Variants in NELL2 observed in about 807,000 individuals in gnomAD.
The protein encoded by NELL2 is neural EGFL like 2.
Under a neutral mutation model 109.6 loss-of-function variants are expected in NELL2, and 41 were observed. The ratio of observed to expected loss-of-function variants is 0.37; its 90% confidence interval spans 0.29 to 0.49. The LOEUF (loss-of-function observed/expected upper bound fraction) is 0.49. NELL2 is among the 20% of genes least tolerant of loss of function. The pLI is 0.98. For missense variants in NELL2, 900 were observed against 1,008.3 expected, an observed-to-expected ratio of 0.89 and a Z score of 1.45; for synonymous variants, 355 against 344.7, an observed-to-expected ratio of 1.03 and a Z score of -0.33.
chr12:44,609,660 T>C (rs1945537314), intron 14 of NELL2, among the ~76,000 whole-genome samples: 1 of 151,954 alleles, frequency 6.6e-6, no homozygotes, highest in Non-Finnish European at 1.5e-5. Flanking sequence ...AATTAGGCCT[T>C]TTTCAAAATG....
intron 13 of NELL2, among the ~76,000 whole-genome samples, chr12:44,663,066 C>T (rs915494695): frequency 1.3e-4 from 20 of 152,030 alleles, no homozygotes; most frequent in Non-Finnish European, 2.6e-4. Context: ...AGGGAGCTCT[C>T]AAAAAGGAAC....
intron 3 of NELL2, among the ~76,000 whole-genome samples, chr12:44,806,464 CATAA>C (rs1432721408): frequency 6.6e-6 from 1 of 151,762 alleles, no homozygotes; most frequent in Non-Finnish European, 1.5e-5. Context: ...ATACATATTT[CATAA>C]ATATTCACCT....
chr12:44,627,194 C>T (rs1007257363), intron 13 of NELL2, among the ~76,000 whole-genome samples: 4 of 152,122 alleles, frequency 2.6e-5, no homozygotes, highest in African/African-American at 7.2e-5. Flanking sequence ...CAACCCAAAT[C>T]CTGCATACAT....
chr12:44,825,973 C>T (rs1156932763), intron 2 of NELL2, among the ~76,000 whole-genome samples: 5 of 151,434 alleles, frequency 3.3e-5, no homozygotes, highest in Middle Eastern at 3.2e-3. Context: ...ACCTGGGAGG[C>T]GGAGGTTGCA....
chr12:44,728,435 G>T (rs1939196828), intron 9 of NELL2, among the ~76,000 whole-genome samples: 1 of 151,886 alleles, frequency 6.6e-6, no homozygotes, highest in Non-Finnish European at 1.5e-5. Flanking sequence ...TGCAGTCAGA[G>T]GAGCAAAAAG....
chr12:44,576,709 C>T (rs971227732), intron 15 of NELL2, among the ~76,000 whole-genome samples: 13 of 152,146 alleles, frequency 8.5e-5, no homozygotes, highest in African/African-American at 3.1e-4. Flanking sequence ...CACCACCCCA[C>T]AACAGTCCCC....
At chr12:44,876,680 A>T (rs1945337290), upstream of NELL2, 3 of 1,550,920 alleles carry the variant, frequency 1.9e-6, no homozygotes, top group African/African-American at 2.7e-5. Flanking sequence ...GCAAGGCTGG[A>T]GCGAGTAGCG....
intron 2 of NELL2, among the ~76,000 whole-genome samples, chr12:44,823,645 G>A (rs1943613264): frequency 3.3e-5 from 5 of 152,232 alleles, no homozygotes; most frequent in African/African-American, 9.6e-5. Context: ...TCCACTGGTG[G>A]ACATTTAAAT....
intron 13 of NELL2, among the ~76,000 whole-genome samples, chr12:44,617,050 T>C (rs912230046): frequency 6.6e-6 from 1 of 152,110 alleles, no homozygotes; most frequent in Non-Finnish European, 1.5e-5. Flanking sequence ...TGGTTTTAGG[T>C]CTATAAGAAA....
Position 44,765,746 on chromosome 12 carries a change from A to C in NELL2, c.994+9001T>G, listed in dbSNP as rs966721383. 2.6e-5 allele frequency among the ~76,000 whole-genome samples: 4 copies of C among 152,318 alleles called. No homozygotes were observed. The East Asian group carries it at 7.7e-4, about 29-fold the overall frequency. On this transcript the variant is annotated intron_variant, in intron 9 of 19. Transcript: ENST00000429094. ...TTTCATGTGGTATTTTTTTATAGTT[A>C]AATATTTTTAAATTGGGGGCCAGGT...
intron 3 of NELL2, among the ~76,000 whole-genome samples, chr12:44,800,582 T>A (rs911219819): frequency 6.6e-6 from 1 of 152,194 alleles, no homozygotes; most frequent in South Asian, 2.1e-4. Flanking sequence ...TTTACGGATA[T>A]GTCCATCTGG....
At chr12:44,606,487 T>G (rs766676071) in intron 15 of NELL2, among the ~76,000 whole-genome samples, 5 of 152,194 alleles carry the variant, frequency 3.3e-5, no homozygotes, top group Non-Finnish European at 5.9e-5. Flanking sequence ...ACTACTAGTA[T>G]GATTTTAATT....
chr12:44,601,294 T>A (rs1945211363), intron 15 of NELL2, among the ~76,000 whole-genome samples: 1 of 152,120 alleles, frequency 6.6e-6, no homozygotes, highest in South Asian at 2.1e-4. Flanking sequence ...GTGAGTTAGA[T>A]TTTTTCCAAT....
At chr12:44,671,665 A>G (rs538173772) in intron 12 of NELL2, among the ~76,000 whole-genome samples, 1 of 152,348 alleles carries the variant, frequency 6.6e-6, no homozygotes, top group South Asian at 2.1e-4. Flanking sequence ...AAAAACTTAG[A>G]GGAAATGGAT....
chr12:44,675,615 T>C (rs904563152), intron 12 of NELL2, among the ~76,000 whole-genome samples: 1 of 152,142 alleles, frequency 6.6e-6, no homozygotes, highest in Non-Finnish European at 1.5e-5. Context: ...TTAGAAATCA[T>C]CTAACCCCAG....
chr12:44,886,055 G>T (rs1033749377), intron 1 of NELL2, among the ~76,000 whole-genome samples: 1 of 146,364 alleles, frequency 6.8e-6, no homozygotes, highest in Admixed American at 7.0e-5. Flanking sequence ...TTTGAACAAT[G>T]ATGCCAGAAC....
intron 12 of NELL2, among the ~76,000 whole-genome samples, chr12:44,679,566 C>A (rs980279968): frequency 2.6e-5 from 4 of 152,072 alleles, no homozygotes; most frequent in African/African-American, 9.7e-5. Flanking sequence ...GCAGTAACCC[C>A]TTTTCACAGC....
intron 12 of NELL2, among the ~76,000 whole-genome samples, chr12:44,669,611 T>C (rs567908057): frequency 6.6e-6 from 1 of 152,082 alleles, no homozygotes; most frequent in African/African-American, 2.4e-5. Flanking sequence ...AAAAATGTAA[T>C]AGCTTCAACA....
Position 44,721,164 on chromosome 12 carries a change from G to T in NELL2, c.995-6423C>A, listed in dbSNP as rs377053307. Among the ~76,000 whole-genome samples, 25 of 152,268 alleles carry T rather than the reference G, an allele frequency of 1.6e-4. No individual in the cohort carries two copies. In the East Asian group the frequency reaches 1.7e-3, roughly 11 times the overall value. On this transcript the variant is annotated intron_variant, in intron 9 of 19. Coordinates refer to ENST00000429094, the MANE Select transcript of NELL2 (RefSeq NM_001145108.2). ...CTGTAAGCAGAGATTCAGCATTTTT[G>T]ACTCTAACTTTACCAATTTAAATGG...
Sources: gnomAD v4.1 joint callset for allele counts (sites outside exome capture counted in the v4.1 genomes callset) on GRCh38, gnomAD v4.1.1 for gene constraint, MANE v1.5 for transcripts, NCBI Gene and HGNC (gene_info 2026-07-23, HGNC 2026-07-21) for gene names.